BTBD16: variants seen among roughly 807,000 people sequenced by gnomAD.
BTBD16 encodes BTB domain containing 16.
BTBD16 carries 66 observed loss-of-function variants against 67.4 expected under a neutral mutation model. The observed-to-expected ratio is 0.98, with a 90% CI of 0.80 to 1.20. BTBD16 has a LOEUF of 1.20. Among genes scored for constraint, BTBD16 ranks in the 50% most tolerant of loss-of-function variants. The pLI is 0.00. For missense variants in BTBD16, 634 were observed against 616.0 expected, an observed-to-expected ratio of 1.03 and a Z score of -0.31; for synonymous variants, 242 against 236.4, an observed-to-expected ratio of 1.02 and a Z score of -0.22.
intron 14 of BTBD16, among the ~76,000 whole-genome samples, chr10:122,335,517 A>G (rs1241859258): frequency 1.3e-5 from 2 of 152,224 alleles, no homozygotes; most frequent in Non-Finnish European, 2.9e-5. Context: ...CTTGCGAGCT[A>G]TAGGACCTGG....
intron 4 of BTBD16, 55 bp from the exon 5 acceptor site, chr10:122,286,050 T>C (rs2096363022): frequency 1.3e-6 from 2 of 1,529,024 alleles, no homozygotes; most frequent in East Asian, 2.3e-5. Context: ...AGCTGATGCA[T>C]CTTTGGGTGG....
At chr10:122,310,637 C>CG in intron 10 of BTBD16, among the ~76,000 whole-genome samples, 1 of 152,152 alleles carries the variant, frequency 6.6e-6, no homozygotes, top group East Asian at 1.9e-4. Context: ...GAGCAGACCC[C>CG]AGGGGAGACA....
chr10:122,305,296 G>A (rs1175072347), intron 9 of BTBD16, among the ~76,000 whole-genome samples: 1 of 152,218 alleles, frequency 6.6e-6, no homozygotes, highest in African/African-American at 2.4e-5. Flanking sequence ...TTAGATGTGT[G>A]TCCCCACCAA....
chr10:122,296,780 C>T (rs938457903), intron 7 of BTBD16, among the ~76,000 whole-genome samples: 1 of 152,188 alleles, frequency 6.6e-6, no homozygotes, highest in Non-Finnish European at 1.5e-5. Context: ...ATCAGGGAGA[C>T]TTCCAAGAGG....
At chr10:122,336,792 G>A (rs578105028) in intron 15 of BTBD16, 110 bp downstream of exon 15, 28 of 905,154 alleles carry the variant, frequency 3.1e-5, no homozygotes, top group Admixed American at 1.1e-4. Flanking sequence ...GAAGATCCCT[G>A]GAAAATCTGG....
chr10:122,299,331 C>T (rs572045505), intron 9 of BTBD16, among the ~76,000 whole-genome samples, 197 bp downstream of exon 9: 7 of 152,240 alleles, frequency 4.6e-5, no homozygotes, highest in African/African-American at 1.4e-4. Context: ...CTTCTCGCTC[C>T]TTCTTGTGGG....
chr10:122,303,579 TACTC>T (rs2096398004), intron 9 of BTBD16: 1 of 316,776 alleles, frequency 3.2e-6, no homozygotes, highest in Non-Finnish European at 4.5e-6. Context: ...GTTCATATCT[TACTC>T]ACATGGTCAT....
chr10:122,332,376 A>C, intron 12 of BTBD16, 60 bp from the exon 13 acceptor site: 33 of 1,534,334 alleles, frequency 2.2e-5, no homozygotes, highest in Non-Finnish European at 2.9e-5. Context: ...ATGAAGATGA[A>C]GAGAGGCGCT....
intron 10 of BTBD16, among the ~76,000 whole-genome samples, chr10:122,324,323 C>T (rs1412694432): frequency 1.3e-5 from 2 of 152,180 alleles, no homozygotes; most frequent in South Asian, 2.1e-4. Flanking sequence ...CAAGGGACCG[C>T]AGGGGGAAAC....
At chr10:122,322,487 A>T (rs1417390513) in intron 10 of BTBD16, among the ~76,000 whole-genome samples, 3 of 152,178 alleles carry the variant, frequency 2.0e-5, no homozygotes, top group Admixed American at 1.3e-4. Flanking sequence ...AAAGGGTCTG[A>T]GCTCTGGTGA....
At chr10:122,325,606 T>C (rs1336766445) in intron 10 of BTBD16, among the ~76,000 whole-genome samples, 1 of 152,118 alleles carries the variant, frequency 6.6e-6, no homozygotes, top group Non-Finnish European at 1.5e-5. Context: ...GCAGGAATTA[T>C]TGTTTCATTT....
At chr10:122,289,197 G>A (rs1471147932) in intron 5 of BTBD16, among the ~76,000 whole-genome samples, 4 of 152,150 alleles carry the variant, frequency 2.6e-5, no homozygotes, top group Non-Finnish European at 2.9e-5. Flanking sequence ...ACTGCTCCAG[G>A]TGCTCGGGTT....
Position 122,299,152 on chromosome 10 carries a change from G to T in BTBD16, c.791+18G>T. The T allele has an allele frequency of 6.2e-7, 1 of 1,612,372 alleles. No homozygotes were observed. Among genetic ancestry groups the T allele is most frequent in the Non-Finnish European group, 8.5e-7 (1 of 1,179,448 alleles). On this transcript the variant is annotated intron_variant, in intron 9 of 15. Transcript: ENST00000260723. Reference sequence around the variant, plus strand: ...TCCCCCAGGTCAGAGCTGGCTCCCAGGGTGCGGCCCCTGAGAGGGGGATGG... The same window carrying T: ...TCCCCCAGGTCAGAGCTGGCTCCCATGGTGCGGCCCCTGAGAGGGGGATGG...
chr10:122,298,956 GC>G, intron 8 of BTBD16, 47 bp from the exon 9 acceptor site: 1 of 1,604,126 alleles, frequency 6.2e-7, no homozygotes, highest in Non-Finnish European at 8.5e-7. Context: ...AGCAGAGGGT[GC>G]CAAGAGCTCA....
chr10:122,333,023 A>T, intron 13 of BTBD16: 1 of 957,316 alleles, frequency 1.0e-6, no homozygotes, highest in Non-Finnish European at 1.2e-6. Flanking sequence ...GACCAGGGGA[A>T]CCTTGGAGTT....
intron 11 of BTBD16, among the ~76,000 whole-genome samples, chr10:122,330,475 C>T (rs983816801): frequency 6.6e-6 from 1 of 152,182 alleles, no homozygotes; most frequent in Non-Finnish European, 1.5e-5. Flanking sequence ...AGCTGACCTT[C>T]GAGGGCCACT....
chr10:122,283,017 T>G (rs116057654), intron 3 of BTBD16, among the ~76,000 whole-genome samples: 2,474 of 151,944 alleles, frequency 0.016, 70 homozygotes, highest in African/African-American at 0.055. Context: ...AGGGCTGGAG[T>G]GGGGACCGTT....
intron 14 of BTBD16, among the ~76,000 whole-genome samples, chr10:122,335,185 A>T (rs2096461630): frequency 6.6e-6 from 1 of 152,234 alleles, no homozygotes; most frequent in Admixed American, 6.5e-5. Flanking sequence ...CATTTAGCGG[A>T]TGAGGATCTG....
intron 10 of BTBD16, among the ~76,000 whole-genome samples, chr10:122,327,797 T>TTGC (rs1316132300): frequency 1.8e-4 from 28 of 152,316 alleles, no homozygotes; most frequent in African/African-American, 6.0e-4. Context: ...GATCAGGGTC[T>TTGC]CGGTTCCTCT....
Sources: gnomAD v4.1 joint callset for allele counts (sites outside exome capture counted in the v4.1 genomes callset) on GRCh38, gnomAD v4.1.1 for gene constraint, MANE v1.5 for transcripts, NCBI Gene and HGNC (gene_info 2026-07-23, HGNC 2026-07-21) for gene names.